The following FBXO4 variants were observed in gnomAD, a reference collection of about 807,000 sequenced individuals.
FBXO4 encodes the protein F-box only protein 4.
A neutral mutation model predicts 43.7 loss-of-function variants in FBXO4; 36 were observed. The ratio of observed to expected loss-of-function variants is 0.82; its 90% confidence interval spans 0.63 to 1.09. The LOEUF (loss-of-function observed/expected upper bound fraction) is 1.09. Ranked by LOEUF, FBXO4 falls within the 50% of genes least tolerant of loss-of-function variation. The probability of loss-of-function intolerance (pLI) is 0.00; values close to 1 mark genes in which losing one functional copy is unlikely to be tolerated. For synonymous variants in FBXO4, 180 were observed against 165.6 expected, an observed-to-expected ratio of 1.09 and a Z score of -0.67; for missense variants, 435 against 474.1, an observed-to-expected ratio of 0.92 and a Z score of 0.77.
chr5:42,001,027 A>G, the FBXO4 span, among the ~76,000 whole-genome samples: 1 of 152,200 alleles, frequency 6.6e-6, no homozygotes, highest in African/African-American at 2.4e-5. Context: ...CAGCTTTGCT[A>G]TTCCTATTAA....
At chr5:41,959,024 A>C in the FBXO4 span, among the ~76,000 whole-genome samples, 1 of 152,154 alleles carries the variant, frequency 6.6e-6, no homozygotes, top group Non-Finnish European at 1.5e-5. Flanking sequence ...AACAACATAC[A>C]AAAGTTCTTT....
the FBXO4 span, among the ~76,000 whole-genome samples, chr5:42,032,724 C>T: frequency 6.6e-6 from 1 of 152,152 alleles, no homozygotes; most frequent in South Asian, 2.1e-4. Context: ...TGCTCTACCC[C>T]CCCGTGGCTG....
chr5:41,950,125 T>G, the FBXO4 span, among the ~76,000 whole-genome samples: 1 of 152,128 alleles, frequency 6.6e-6, no homozygotes, highest in Admixed American at 6.5e-5. Context: ...GAAGAAAACC[T>G]AGGCAATACC....
the FBXO4 span, among the ~76,000 whole-genome samples, chr5:41,969,862 T>C: frequency 4.1e-3 from 629 of 152,192 alleles, 3 homozygotes; most frequent in African/African-American, 0.015. Flanking sequence ...AAACAATGTG[T>C]GTGTGTTGTG....
intron 2 of FBXO4, 73 bp from the exon 3 acceptor site, chr5:41,929,624 T>A: frequency 8.9e-7 from 1 of 1,126,506 alleles, no homozygotes; most frequent in South Asian, 1.5e-5. Context: ...AAGTACTCAA[T>A]AAATTATATA....
the FBXO4 span, among the ~76,000 whole-genome samples, chr5:41,969,168 C>A: frequency 6.6e-6 from 1 of 152,194 alleles, no homozygotes; most frequent in Non-Finnish European, 1.5e-5. Flanking sequence ...CCCTTAGCAG[C>A]ATCCTGTAAT....
At chr5:42,026,709 G>T in the FBXO4 span, among the ~76,000 whole-genome samples, 1 of 151,688 alleles carries the variant, frequency 6.6e-6, no homozygotes, top group Non-Finnish European at 1.5e-5. Flanking sequence ...GTCACATATG[G>T]CTTCAATATG....
chr5:41,993,377 A>G, the FBXO4 span, among the ~76,000 whole-genome samples: 2 of 152,144 alleles, frequency 1.3e-5, no homozygotes, highest in African/African-American at 4.8e-5. Flanking sequence ...TTTGATATAC[A>G]AAAACTTTGT....
At chr5:42,010,497 GCCT>G in the FBXO4 span, among the ~76,000 whole-genome samples, 1 of 147,472 alleles carries the variant, frequency 6.8e-6, no homozygotes, top group Non-Finnish European at 1.5e-5. Flanking sequence ...GACAGTGTGA[GCCT>G]CCATCTCAAA....
chr5:41,993,618 G>GATATATATATATATATACATAT, the FBXO4 span, among the ~76,000 whole-genome samples: 2 of 136,672 alleles, frequency 1.5e-5, no homozygotes, highest in African/African-American at 2.7e-5. Context: ...GAACTAATAG[G>GATATATATATATATATACATAT]ATATATATAT....
chr5:42,018,732 A>G, the FBXO4 span, among the ~76,000 whole-genome samples: 1 of 152,184 alleles, frequency 6.6e-6, no homozygotes, highest in African/African-American at 2.4e-5. Flanking sequence ...CATTGAGTTT[A>G]ACAGAGAAAG....
chr5:41,963,018 C>T, the FBXO4 span, among the ~76,000 whole-genome samples: 1 of 152,110 alleles, frequency 6.6e-6, no homozygotes, highest in Admixed American at 6.5e-5. Context: ...TCATTCTTAG[C>T]ACTCTGATAA....
intron 2 of FBXO4, 63 bp from the exon 3 acceptor site, chr5:41,929,634 A>G: frequency 4.9e-6 from 6 of 1,228,064 alleles, no homozygotes; most frequent in Non-Finnish European, 5.7e-6. Flanking sequence ...TAAATTATAT[A>G]TTTTTGAATG....
At chr5:41,960,715 T>G in the FBXO4 span, among the ~76,000 whole-genome samples, 1 of 152,314 alleles carries the variant, frequency 6.6e-6, no homozygotes, top group African/African-American at 2.4e-5. Flanking sequence ...TTCATTTCAT[T>G]CATTGTGATG....
At chr5:42,039,330 A>G in the FBXO4 span, among the ~76,000 whole-genome samples, 1 of 152,042 alleles carries the variant, frequency 6.6e-6, no homozygotes, top group Non-Finnish European at 1.5e-5. Context: ...TGTAATATGT[A>G]GAATATCTTG....
At chr5:41,969,199 C>A in the FBXO4 span, among the ~76,000 whole-genome samples, 9 of 152,154 alleles carry the variant, frequency 5.9e-5, no homozygotes, top group African/African-American at 1.9e-4. Context: ...TTATTAATAC[C>A]TAAGCTTACC....
At chr5:41,970,162 C>T in the FBXO4 span, among the ~76,000 whole-genome samples, 1 of 151,994 alleles carries the variant, frequency 6.6e-6, no homozygotes, top group Non-Finnish European at 1.5e-5. Flanking sequence ...GAATTTGGTT[C>T]TCAATTAGCA....
At position 41,925,412 on chromosome 5, in the gene FBXO4, T is replaced by A; in HGVS notation, c.103T>A (p.Trp35Arg). ...AAILSGWKTF[W>R]QSVSKERVAR... ...CATCCTCAGCGGCTGGAAGACCTTC[T>A]GGCAGTCAGTGAGCAAGGAGAGGGT... Residue 35 changes from tryptophan (W) to arginine (R), a missense_variant, in exon 1 of 7, where the codon TGG becomes AGG. Coordinates refer to ENST00000281623, the MANE Select transcript of FBXO4 (RefSeq NM_012176.3). The A allele has an allele frequency of 7.2e-7, 1 of 1,384,072 alleles. No homozygotes were observed. The highest frequency in any genetic ancestry group is 9.4e-7 in the Non-Finnish European group (1 of 1,063,414). 85.7% of individuals were successfully genotyped at this position (1,384,072 alleles called of 1,614,324 possible).
the FBXO4 span, among the ~76,000 whole-genome samples, chr5:41,991,604 A>G: frequency 6.6e-6 from 1 of 152,080 alleles, no homozygotes; most frequent in African/African-American, 2.4e-5. Flanking sequence ...TCTGGTGTAA[A>G]TTTCTGTTGG....
Sources: allele counts gnomAD v4.1 joint callset (sites outside exome capture counted in the v4.1 genomes callset), GRCh38; gene constraint gnomAD v4.1.1; transcripts MANE v1.5; gene names NCBI Gene and HGNC (gene_info 2026-07-23, HGNC 2026-07-21).